The following DPY19L1 variants were observed in gnomAD, a reference collection of about 807,000 sequenced individuals.
DPY19L1 encodes the protein dpy-19 like C-mannosyltransferase 1, also known as protein C-mannosyl-transferase DPY19L1.
Under a neutral mutation model 96.9 loss-of-function variants are expected in DPY19L1, and 35 were observed. The ratio of observed to expected loss-of-function variants is 0.36; its 90% CI spans 0.28 to 0.48. The LOEUF (loss-of-function observed/expected upper bound fraction) is 0.48. Among genes scored for constraint, DPY19L1 ranks in the 20% least tolerant of loss-of-function variants. The probability of loss-of-function intolerance (pLI) is 0.99; values close to 1 mark genes in which losing one functional copy is unlikely to be tolerated. For synonymous variants in DPY19L1, 205 were observed against 252.6 expected (o/e 0.81, Z 1.79); for missense variants, 521 against 777.9 (o/e 0.67, Z 3.93).
At chr7:34,990,381 A>G (rs1785141830) in intron 6 of DPY19L1, among the ~76,000 whole-genome samples, 1 of 152,226 alleles carries the variant, frequency 6.6e-6, no homozygotes, top group Admixed American at 6.5e-5. Flanking sequence ...CATGGTCATA[A>G]GGATGGAAAA....
chr7:34,995,371 C>G (rs1785259654), intron 6 of DPY19L1, among the ~76,000 whole-genome samples: 1 of 152,000 alleles, frequency 6.6e-6, no homozygotes, highest in Non-Finnish European at 1.5e-5. Context: ...AATATGAAAC[C>G]TCCTACTGTG....
At chr7:34,984,874 A>C (rs1785015309) in intron 7 of DPY19L1, among the ~76,000 whole-genome samples, 1 of 152,148 alleles carries the variant, frequency 6.6e-6, no homozygotes, top group African/African-American at 2.4e-5. Flanking sequence ...CTTTCTGCTC[A>C]TCCTTGCTAC....
At chr7:35,021,818 CTTACTTTT>C (rs1397874760) in intron 1 of DPY19L1, among the ~76,000 whole-genome samples, 1 of 152,072 alleles carries the variant, frequency 6.6e-6, no homozygotes, top group Non-Finnish European at 1.5e-5. Flanking sequence ...TCCCCTCCTT[CTTACTTTT>C]TTAATCTTAA....
At chr7:34,942,512 T>C (rs543548694) in intron 17 of DPY19L1, 103 bp downstream of exon 17, 62 of 888,856 alleles carry the variant, frequency 7.0e-5, no homozygotes, top group Middle Eastern at 4.3e-4. Context: ...TTCAAGATGA[T>C]TGCTGACAAT....
At chr7:34,955,252 C>T in intron 12 of DPY19L1, 56 bp downstream of exon 12, 1 of 1,538,360 alleles carries the variant, frequency 6.5e-7, no homozygotes, top group East Asian at 2.3e-5. Flanking sequence ...AACATAAAAC[C>T]AATGATATAT....
chr7:35,001,237 G>A (rs1216785855), intron 6 of DPY19L1, among the ~76,000 whole-genome samples: 3 of 152,228 alleles, frequency 2.0e-5, no homozygotes, highest in Non-Finnish European at 4.4e-5. Flanking sequence ...GAAAGCTTCA[G>A]AATGAGTCCA....
At chr7:34,937,864 AAAAG>A (rs1384938676) in intron 21 of DPY19L1, 126 bp downstream of exon 21, 5 of 991,422 alleles carry the variant, frequency 5.0e-6, no homozygotes, top group African/African-American at 4.9e-5. Context: ...GTTTAAAAAA[AAAAG>A]AAGAAGTTTT....
At chr7:34,987,898 C>T (rs1301549076) in intron 7 of DPY19L1, 1 of 151,960 alleles carries the variant, frequency 6.6e-6, no homozygotes, top group African/African-American at 2.4e-5. Context: ...AGTAATTTTA[C>T]ATGTAAGTAA....
intron 17 of DPY19L1, among the ~76,000 whole-genome samples, chr7:34,942,357 T>C (rs1435587796): frequency 2.6e-5 from 4 of 152,164 alleles, no homozygotes; most frequent in African/African-American, 9.7e-5. Context: ...ACCTCATACA[T>C]ATGTCTAAAT....
chr7:34,974,346 A>G (rs1784788517), intron 7 of DPY19L1, among the ~76,000 whole-genome samples: 1 of 152,234 alleles, frequency 6.6e-6, no homozygotes, highest in Non-Finnish European at 1.5e-5. Flanking sequence ...ACACTAAAAT[A>G]ATGATGTCTT....
intron 1 of DPY19L1, 81 bp from the exon 2 acceptor site, chr7:35,018,677 A>G (rs1785918116): frequency 8.0e-7 from 1 of 1,252,568 alleles, no homozygotes; most frequent in African/African-American, 1.5e-5. Flanking sequence ...AAGATAAAGC[A>G]TGTCAAATAT....
chr7:35,025,911 T>C (rs769560728), intron 1 of DPY19L1, among the ~76,000 whole-genome samples: 7 of 152,202 alleles, frequency 4.6e-5, no homozygotes, highest in Non-Finnish European at 1.0e-4. Context: ...TGAGAAGCAC[T>C]GACATTGGTC....
chr7:35,037,845 C>A (rs1420662124), upstream of DPY19L1: 48 of 1,233,308 alleles, frequency 3.9e-5, no homozygotes, highest in Non-Finnish European at 4.6e-5. Flanking sequence ...GGGGCTCGGC[C>A]GGTGCGAGGA....
intron 3 of DPY19L1, among the ~76,000 whole-genome samples, chr7:35,015,797 C>T (rs1785832003): frequency 6.6e-6 from 1 of 152,222 alleles, no homozygotes; most frequent in African/African-American, 2.4e-5. Flanking sequence ...TTCTTGAATT[C>T]CTTCCTGCCC....
chr7:34,982,326 G>C (rs1467216652), intron 7 of DPY19L1, among the ~76,000 whole-genome samples: 1 of 152,162 alleles, frequency 6.6e-6, no homozygotes, highest in Non-Finnish European at 1.5e-5. Context: ...ATATACTGAA[G>C]TATTTAGGGG....
At chr7:34,977,032 G>A (rs989371213) in intron 7 of DPY19L1, among the ~76,000 whole-genome samples, 11 of 151,820 alleles carry the variant, frequency 7.2e-5, no homozygotes, top group South Asian at 4.2e-4. Flanking sequence ...CAGGTGATCC[G>A]CCTGCCTCAG....
At chr7:34,938,452 T>G (rs747410408) in intron 20 of DPY19L1, among the ~76,000 whole-genome samples, 13 of 152,354 alleles carry the variant, frequency 8.5e-5, no homozygotes, top group Non-Finnish European at 1.8e-4. Context: ...AGGGATGAAC[T>G]ACAACAAACA....
intron 1 of DPY19L1, among the ~76,000 whole-genome samples, chr7:35,028,722 ATACT>A (rs1042416166): frequency 4.6e-5 from 7 of 152,350 alleles, no homozygotes; most frequent in African/African-American, 1.4e-4. Context: ...TGGACTAAGG[ATACT>A]TATAGTATTC....
intron 6 of DPY19L1, among the ~76,000 whole-genome samples, chr7:35,006,642 T>TA (rs1295982412): frequency 1.3e-5 from 2 of 151,842 alleles, no homozygotes; most frequent in Non-Finnish European, 1.5e-5. Context: ...ATGAGTATTT[T>TA]AAAAAAAATA....
Sources: allele counts gnomAD v4.1 joint callset (sites outside exome capture counted in the v4.1 genomes callset), GRCh38; gene constraint gnomAD v4.1.1; transcripts MANE v1.5; gene names NCBI Gene and HGNC (gene_info 2026-07-23, HGNC 2026-07-21).